RGS6: variants seen among roughly 807,000 people sequenced by gnomAD.
The protein encoded by RGS6 is regulator of G protein signaling 6.
In RGS6, 30 loss-of-function variants were observed where a neutral mutation model predicts 78.5. The observed-to-expected ratio is 0.38, with a 90% CI of 0.29 to 0.52. RGS6 has a LOEUF of 0.52. Among genes scored for constraint, RGS6 ranks in the 20% least tolerant of loss-of-function variants. The pLI is 0.85. For synonymous variants in RGS6, 206 were observed against 206.0 expected (o/e 1.00, Z 0.00); for missense variants, 495 against 609.7 (o/e 0.81, Z 1.98).
chr14:72,319,107 A>C (rs1467694835), intron 2 of RGS6, among the ~76,000 whole-genome samples: 1 of 152,244 alleles, frequency 6.6e-6, no homozygotes, highest in Non-Finnish European at 1.5e-5. Flanking sequence ...TATGCCATAC[A>C]TGACACTACA....
chr14:71,909,551 GGAGA>G, the RGS6 span, among the ~76,000 whole-genome samples: 2 of 121,348 alleles, frequency 1.6e-5, no homozygotes, highest in African/African-American at 3.3e-5. Flanking sequence ...AGACAGAGAG[GGAGA>G]GAGAGAGAGA....
intron 1 of RGS6, among the ~76,000 whole-genome samples, chr14:71,941,222 C>T (rs759866350): frequency 1.1e-4 from 16 of 152,192 alleles, no homozygotes; most frequent in Non-Finnish European, 2.1e-4. Flanking sequence ...CTCCCTGCCT[C>T]TCATGAGCGG....
rs919072316 is a variant in RGS6, at chr14:72,547,458, G to A, written c.1422+7364G>A. 5.0e-6 allele frequency: 4 copies of A among 796,746 alleles called. No homozygotes were observed. The Admixed American group carries it at 8.9e-5, about 18-fold the overall frequency. The allele number at this position is 796,746 out of a possible 1,614,324, so 49.4% of individuals were successfully genotyped here. ...TGCTTCCCCCTTTTAAAATAGTGAT[G>A]AGTGTCCCTGGTTTGAGTTGAGTTA... On this transcript the variant is annotated intron_variant, in intron 17 of 17. Coordinates refer to ENST00000553525, the MANE Select transcript of RGS6 (RefSeq NM_001204424.2).
At chr14:72,103,373 T>C (rs1286001933) in intron 2 of RGS6, among the ~76,000 whole-genome samples, 1 of 152,222 alleles carries the variant, frequency 6.6e-6, no homozygotes, top group Non-Finnish European at 1.5e-5. Flanking sequence ...AACTTTTTGG[T>C]GGAAAAGTCC....
At chr14:72,453,317 T>C (rs1401941723) in intron 3 of RGS6, among the ~76,000 whole-genome samples, 1 of 151,966 alleles carries the variant, frequency 6.6e-6, no homozygotes, top group Non-Finnish European at 1.5e-5. Context: ...GTAGACAAGC[T>C]TTAAAAGTTC....
At chr14:72,331,901 G>A (rs766574515) in intron 2 of RGS6, among the ~76,000 whole-genome samples, 2 of 152,210 alleles carry the variant, frequency 1.3e-5, no homozygotes, top group Non-Finnish European at 2.9e-5. Context: ...GAAAAAAGCT[G>A]TATACAAATG....
Position 71,964,769 on chromosome 14 carries a change from C to A in RGS6, c.-20-3C>A. 6.3e-7 allele frequency: 1 copy of A among 1,582,408 alleles called. No homozygotes were observed. Among genetic ancestry groups the A allele is most frequent in the Non-Finnish European group, 8.6e-7 (1 of 1,159,058 alleles). On this transcript the variant is annotated splice_polypyrimidine_tract_variant and splice_region_variant and intron_variant, in intron 1 of 17. Transcript: ENST00000553525. ...TTAATGGTTTATTCATTTATTTTTG[C>A]AGTGTGAGTGAAGACACTCAGGATG...
At chr14:72,142,769 G>C (rs867067223) in intron 2 of RGS6, among the ~76,000 whole-genome samples, 13 of 152,216 alleles carry the variant, frequency 8.5e-5, no homozygotes, top group East Asian at 3.9e-4. Context: ...TCCTTTCTTT[G>C]TTTACACAGG....
chr14:72,435,452 A>T (rs1271402378), intron 3 of RGS6, among the ~76,000 whole-genome samples: 1 of 152,222 alleles, frequency 6.6e-6, no homozygotes, highest in East Asian at 1.9e-4. Flanking sequence ...TGGTCAGGTT[A>T]CTAAGATCTG....
At chr14:71,985,709 A>C (rs935269107) in intron 2 of RGS6, among the ~76,000 whole-genome samples, 6 of 152,122 alleles carry the variant, frequency 3.9e-5, no homozygotes, top group Non-Finnish European at 7.4e-5. Flanking sequence ...TCTAAACCGC[A>C]TCCCCATCCT....
chr14:72,132,928 C>G (rs964962950), intron 2 of RGS6, among the ~76,000 whole-genome samples: 1 of 152,004 alleles, frequency 6.6e-6, no homozygotes, highest in African/African-American at 2.4e-5. Flanking sequence ...CATTTGGCAT[C>G]AGACTAAAGG....
chr14:72,414,666 C>G (rs529180218), intron 3 of RGS6, among the ~76,000 whole-genome samples: 1 of 152,278 alleles, frequency 6.6e-6, no homozygotes, highest in East Asian at 1.9e-4. Flanking sequence ...ATTTTTTCTG[C>G]TCTTTTTTTC....
At chr14:72,192,748 T>G (rs1448570298) in intron 2 of RGS6, among the ~76,000 whole-genome samples, 2 of 152,246 alleles carry the variant, frequency 1.3e-5, no homozygotes, top group Non-Finnish European at 2.9e-5. Context: ...TATAATTTTC[T>G]TTCTTTCGTT....
chr14:71,902,571 G>A, the RGS6 span, among the ~76,000 whole-genome samples: 108 of 151,966 alleles, frequency 7.1e-4, no homozygotes, highest in Non-Finnish European at 1.4e-3. Flanking sequence ...GTTTGGAAAC[G>A]TAAGATTCAT....
the RGS6 span, among the ~76,000 whole-genome samples, chr14:71,915,622 A>G: frequency 6.6e-6 from 1 of 152,084 alleles, no homozygotes; most frequent in Admixed American, 6.6e-5. Context: ...TCCCACCCCT[A>G]GCTTCAGGAT....
intron 2 of RGS6, among the ~76,000 whole-genome samples, chr14:72,272,121 G>A (rs2060039298): frequency 6.6e-6 from 1 of 152,026 alleles, no homozygotes; most frequent in African/African-American, 2.4e-5. Context: ...GTATTGGGGT[G>A]GGGAAATTAT....
At chr14:72,200,869 G>A (rs554015665) in intron 2 of RGS6, among the ~76,000 whole-genome samples, 35 of 149,306 alleles carry the variant, frequency 2.3e-4, no homozygotes, top group East Asian at 1.6e-3. Context: ...CTACTTACAC[G>A]TGCCTAGGGA....
intron 2 of RGS6, among the ~76,000 whole-genome samples, chr14:72,155,658 A>G (rs1480318267): frequency 6.6e-6 from 1 of 152,224 alleles, no homozygotes; most frequent in African/African-American, 2.4e-5. Flanking sequence ...ATTACCAATT[A>G]TGATTCACTG....
intron 2 of RGS6, among the ~76,000 whole-genome samples, chr14:72,279,716 G>A (rs928907235): frequency 1.3e-5 from 2 of 152,186 alleles, no homozygotes; most frequent in African/African-American, 4.8e-5. Flanking sequence ...TAAAGGAAGA[G>A]TGATTTGGCG....
Sources: allele counts gnomAD v4.1 joint callset (sites outside exome capture counted in the v4.1 genomes callset), GRCh38; gene constraint gnomAD v4.1.1; transcripts MANE v1.5; gene names NCBI Gene and HGNC (gene_info 2026-07-23, HGNC 2026-07-21).